The following KCNG3 variants were observed in gnomAD, a reference collection of about 807,000 sequenced individuals.
KCNG3 encodes potassium voltage-gated channel modifier subfamily G member 3.
In KCNG3, 15 loss-of-function variants were observed where a neutral mutation model predicts 29.0. The ratio of observed to expected loss-of-function variants is 0.52; its 90% CI spans 0.35 to 0.80. The LOEUF (loss-of-function observed/expected upper bound fraction) is 0.80. Ranked by LOEUF, KCNG3 falls within the 30% of genes least tolerant of loss-of-function variation. The probability of loss-of-function intolerance (pLI) is 0.01; values close to 1 mark genes in which losing one functional copy is unlikely to be tolerated. For synonymous variants in KCNG3, 322 were observed against 248.9 expected, an observed-to-expected ratio of 1.29 and a Z score of -2.76; for missense variants, 512 against 605.7, an observed-to-expected ratio of 0.85 and a Z score of 1.62.
chr2:42,456,323 G>C (rs1475928811), intron 1 of KCNG3, among the ~76,000 whole-genome samples: 1 of 152,030 alleles, frequency 6.6e-6, no homozygotes, highest in African/African-American at 2.4e-5. Context: ...CTTCTTAGTA[G>C]TTCGAGTCCA....
At chr2:42,393,774 G>C in the KCNG3 span, among the ~76,000 whole-genome samples, 1 of 151,854 alleles carries the variant, frequency 6.6e-6, no homozygotes, top group African/African-American at 2.4e-5. Context: ...TCTTGACTGA[G>C]TAAACTTCCC....
the KCNG3 span, among the ~76,000 whole-genome samples, chr2:42,412,399 T>C: frequency 6.6e-6 from 1 of 152,224 alleles, no homozygotes; most frequent in Non-Finnish European, 1.5e-5. Flanking sequence ...CTAAACTGAT[T>C]CAAGGTTCTT....
intron 1 of KCNG3, among the ~76,000 whole-genome samples, chr2:42,455,805 T>C (rs915277420): frequency 1.3e-4 from 20 of 151,304 alleles, no homozygotes; most frequent in African/African-American, 3.9e-4. Flanking sequence ...AAAAATTATA[T>C]ATATGTATGT....
the KCNG3 span, among the ~76,000 whole-genome samples, chr2:42,414,057 T>C: frequency 2.0e-5 from 3 of 152,244 alleles, no homozygotes; most frequent in South Asian, 6.2e-4. Flanking sequence ...TGGCCTAGAA[T>C]GTAATTATCA....
the KCNG3 span, among the ~76,000 whole-genome samples, chr2:42,419,219 C>CTTTTTTTTTT: frequency 6.9e-3 from 192 of 27,740 alleles, 59 homozygotes; most frequent in East Asian, 0.014. Context: ...GATGGTATCT[C>CTTTTTTTTTT]TTTTTTTTTT....
intron 1 of KCNG3, among the ~76,000 whole-genome samples, chr2:42,451,144 G>A (rs1279476424): frequency 2.2e-5 from 3 of 133,522 alleles, no homozygotes; most frequent in South Asian, 2.5e-4. Context: ...GGCAGAGGTC[G>A]CAGTGAGCTG....
At chr2:42,429,520 G>A in the KCNG3 span, among the ~76,000 whole-genome samples, 2 of 152,170 alleles carry the variant, frequency 1.3e-5, no homozygotes, top group African/African-American at 4.8e-5. Flanking sequence ...CGACATCTAA[G>A]TACTTGCTAC....
the KCNG3 span, among the ~76,000 whole-genome samples, chr2:42,405,134 C>T: frequency 6.6e-6 from 1 of 152,202 alleles, no homozygotes; most frequent in Non-Finnish European, 1.5e-5. Context: ...TAGGCAAATG[C>T]CCTCGAAGGA....
At chr2:42,484,194 G>A (rs1673661214) in intron 1 of KCNG3, among the ~76,000 whole-genome samples, 1 of 152,042 alleles carries the variant, frequency 6.6e-6, no homozygotes, top group South Asian at 2.1e-4. Flanking sequence ...GGGTGCTGTG[G>A]CTCACACCTG....
At chr2:42,482,878 T>C (rs1002107834) in intron 1 of KCNG3, among the ~76,000 whole-genome samples, 30 of 152,154 alleles carry the variant, frequency 2.0e-4, no homozygotes, top group African/African-American at 7.0e-4. Flanking sequence ...CCCAACACTT[T>C]GGGAGACCGA....
chr2:42,388,901 A>G, the KCNG3 span, among the ~76,000 whole-genome samples: 1 of 151,834 alleles, frequency 6.6e-6, no homozygotes, highest in African/African-American at 2.4e-5. Flanking sequence ...TACTATGTAG[A>G]TTACTTTGTT....
the KCNG3 span, among the ~76,000 whole-genome samples, chr2:42,400,029 A>G: frequency 6.6e-6 from 1 of 152,170 alleles, no homozygotes; most frequent in Non-Finnish European, 1.5e-5. Flanking sequence ...GGATCGCTTG[A>G]GCCTGGAAGG....
At chr2:42,438,754 G>C (rs1205220903), downstream of KCNG3, among the ~76,000 whole-genome samples, 1 of 152,152 alleles carries the variant, frequency 6.6e-6, no homozygotes, top group Non-Finnish European at 1.5e-5. Flanking sequence ...CCACAGAATG[G>C]GACAATATAA....
chr2:42,390,208 CTA>C, the KCNG3 span, among the ~76,000 whole-genome samples: 3 of 152,128 alleles, frequency 2.0e-5, no homozygotes, highest in Non-Finnish European at 4.4e-5. Flanking sequence ...CAAGCTGATG[CTA>C]TCTTATTTAG....
the KCNG3 span, among the ~76,000 whole-genome samples, chr2:42,413,255 T>A: frequency 4.6e-5 from 7 of 152,202 alleles, no homozygotes; most frequent in African/African-American, 1.4e-4. Context: ...TCCTCCCTCC[T>A]CAGCATCCTG....
At chr2:42,484,131 G>T (rs945372956) in intron 1 of KCNG3, among the ~76,000 whole-genome samples, 4 of 152,142 alleles carry the variant, frequency 2.6e-5, no homozygotes, top group Admixed American at 6.6e-5. Flanking sequence ...GCCAATTGCT[G>T]AACAAGATCA....
At chr2:42,452,243 A>ATATATATATATATATTTTTTTT in intron 1 of KCNG3, among the ~76,000 whole-genome samples, 1 of 95,066 alleles carries the variant, frequency 1.1e-5, no homozygotes, top group African/African-American at 3.9e-5. Context: ...ATATATATAT[A>ATATATATATATATATTTTTTTT]TTTTTTTTTT....
the KCNG3 span, among the ~76,000 whole-genome samples, chr2:42,434,392 G>A: frequency 2.2e-5 from 3 of 136,674 alleles, no homozygotes; most frequent in African/African-American, 8.3e-5. Context: ...GGAGGAGGTT[G>A]AGGTTGCAAT....
At chr2:42,482,860 C>T (rs2103731786) in intron 1 of KCNG3, among the ~76,000 whole-genome samples, 1 of 152,256 alleles carries the variant, frequency 6.6e-6, no homozygotes, top group South Asian at 2.1e-4. Flanking sequence ...GTGGCTCATG[C>T]CTATAATCCC....
Sources: allele counts gnomAD v4.1 joint callset (sites outside exome capture counted in the v4.1 genomes callset), GRCh38; gene constraint gnomAD v4.1.1; transcripts MANE v1.5; gene names NCBI Gene and HGNC (gene_info 2026-07-23, HGNC 2026-07-21).